Variants in SP140 observed in about 807,000 individuals in gnomAD.
SP140 encodes the protein nuclear body protein SP140.
Under a neutral mutation model 125.0 loss-of-function variants are expected in SP140, and 81 were observed. The ratio of observed to expected loss-of-function variants is 0.65; its 90% confidence interval spans 0.54 to 0.78. SP140 has a LOEUF of 0.78. Among genes scored for constraint, SP140 ranks in the 30% least tolerant of loss-of-function variants. SP140 has a pLI of 0.00. For synonymous variants in SP140, 312 were observed against 354.0 expected (o/e 0.88, Z 1.33); for missense variants, 858 against 1,037.0 (o/e 0.83, Z 2.37).
chr2:230,255,783 G>GT (rs1370160103), intron 12 of SP140, among the ~76,000 whole-genome samples: 4 of 152,158 alleles, frequency 2.6e-5, no homozygotes, highest in African/African-American at 9.6e-5. Context: ...CAGTCTAGTG[G>GT]TAGTCAAAAT....
At chr2:230,249,061 C>T (rs935100860) in intron 9 of SP140, 93 bp downstream of exon 9, 1 of 895,466 alleles carries the variant, frequency 1.1e-6, no homozygotes, top group African/African-American at 1.7e-5. Flanking sequence ...TCCTACCCTT[C>T]CCTTCTTCAC....
chr2:230,273,587 T>A (rs997792102), intron 15 of SP140, among the ~76,000 whole-genome samples: 3 of 152,120 alleles, frequency 2.0e-5, no homozygotes, highest in Non-Finnish European at 2.9e-5. Flanking sequence ...CCAGCAATCC[T>A]ATTACTGAGT....
chr2:230,309,822 C>A, intron 22 of SP140, 102 bp from the exon 23 acceptor site: 1 of 1,153,918 alleles, frequency 8.7e-7, no homozygotes, highest in Non-Finnish European at 1.3e-6. Context: ...ATTTGCCTGT[C>A]CATGCAGGTT....
chr2:230,271,402 A>T (rs2053904646), intron 15 of SP140, among the ~76,000 whole-genome samples: 1 of 152,222 alleles, frequency 6.6e-6, no homozygotes, highest in African/African-American at 2.4e-5. Context: ...GTGAGGACTG[A>T]GAAGGAAGTG....
At chr2:230,289,845 C>T (rs2056912797) in intron 18 of SP140, among the ~76,000 whole-genome samples, 1 of 152,146 alleles carries the variant, frequency 6.6e-6, no homozygotes, top group South Asian at 2.1e-4. Flanking sequence ...CCTTTCACCC[C>T]CTTCTCTGTG....
upstream of SP140, chr2:230,202,675 C>G (rs201742692): frequency 5.0e-5 from 80 of 1,614,002 alleles, no homozygotes; most frequent in Non-Finnish European, 5.8e-5. Flanking sequence ...TTTTGAGGAA[C>G]CTGATCCACC....
At chr2:230,197,750 C>A in the SP140 span, among the ~76,000 whole-genome samples, 43 of 151,926 alleles carry the variant, frequency 2.8e-4, no homozygotes, top group African/African-American at 7.2e-4. Context: ...CCAGTTTCAG[C>A]TTTCTACATA....
intron 3 of SP140, among the ~76,000 whole-genome samples, chr2:230,216,290 T>G (rs1292807848): frequency 2.0e-5 from 3 of 152,218 alleles, no homozygotes; most frequent in African/African-American, 4.8e-5. Flanking sequence ...AAAATCATCT[T>G]TGATTAGGGT....
chr2:230,195,697 G>A, the SP140 span, among the ~76,000 whole-genome samples: 1 of 151,978 alleles, frequency 6.6e-6, no homozygotes, highest in Non-Finnish European at 1.5e-5. Flanking sequence ...GATATTAAAA[G>A]GTTTCCTAGC....
chr2:230,207,502 C>T (rs1402668434), intron 1 of SP140, among the ~76,000 whole-genome samples: 1 of 152,164 alleles, frequency 6.6e-6, no homozygotes, highest in Non-Finnish European at 1.5e-5. Context: ...GCATAGATGG[C>T]TAGCAGAAAC....
chr2:230,238,802 C>T, intron 3 of SP140: 3 of 1,554,518 alleles, frequency 1.9e-6, no homozygotes, highest in Non-Finnish European at 2.6e-6. Context: ...ACTTGTTTCT[C>T]CAAACAAAGA....
chr2:230,294,426 C>G, intron 21 of SP140, 108 bp downstream of exon 21: 1 of 778,010 alleles, frequency 1.3e-6, no homozygotes, highest in East Asian at 2.6e-5. Flanking sequence ...TAAGCTTTCA[C>G]CTTCTTCACT....
At chr2:230,277,540 A>G (rs956439466) in intron 15 of SP140, among the ~76,000 whole-genome samples, 1 of 152,170 alleles carries the variant, frequency 6.6e-6, no homozygotes, top group Non-Finnish European at 1.5e-5. Context: ...AGTATTTCTA[A>G]GATATGCCTG....
At chr2:230,187,922 A>C in the SP140 span, among the ~76,000 whole-genome samples, 1 of 152,076 alleles carries the variant, frequency 6.6e-6, no homozygotes, top group Non-Finnish European at 1.5e-5. Context: ...AAGTCTGGTA[A>C]TGTGATGCCT....
At chr2:230,213,765 G>T in exon 2 of SP140, 1 of 152,822 alleles carries the variant, frequency 6.5e-6, no homozygotes, top group Non-Finnish European at 1.5e-5. Context: ...CTGAAGCTCA[G>T]CCAGGTCAGG....
intron 3 of SP140, 135 bp downstream of exon 3, chr2:230,238,516 G>A: frequency 2.2e-6 from 2 of 912,652 alleles, no homozygotes; most frequent in South Asian, 1.7e-5. Flanking sequence ...GGAATATAAT[G>A]ATGAAAAAAC....
At chr2:230,202,174 C>T (rs554074020), upstream of SP140, among the ~76,000 whole-genome samples, 1 of 152,234 alleles carries the variant, frequency 6.6e-6, no homozygotes, top group East Asian at 1.9e-4. Context: ...TTTATGTTAA[C>T]AGGCAATTGG....
intron 22 of SP140, among the ~76,000 whole-genome samples, chr2:230,300,732 A>G (rs2058210554): frequency 6.6e-6 from 1 of 152,186 alleles, no homozygotes; most frequent in African/African-American, 2.4e-5. Flanking sequence ...TGATAATGAC[A>G]AAACAAAGTT....
At chr2:230,212,816 T>C in intron 1 of SP140, 1 of 1,614,040 alleles carries the variant, frequency 6.2e-7, no homozygotes, top group Non-Finnish European at 8.5e-7. Flanking sequence ...CAGGGTCAGA[T>C]GGGCTGGGCG....
Sources: gnomAD v4.1 joint callset for allele counts (sites outside exome capture counted in the v4.1 genomes callset) on GRCh38, gnomAD v4.1.1 for gene constraint, MANE v1.5 for transcripts, NCBI Gene and HGNC (gene_info 2026-07-23, HGNC 2026-07-21) for gene names.